GSE1: variants seen among roughly 807,000 people sequenced by gnomAD.
The protein encoded by GSE1 is genetic suppressor element 1.
GSE1 carries 32 observed loss-of-function variants against 112.6 expected under a neutral mutation model. That is an observed-to-expected ratio of 0.28 (90% CI 0.21 to 0.38). GSE1 has a LOEUF of 0.38. Ranked by LOEUF, GSE1 falls within the 10% of genes least tolerant of loss-of-function variation. The pLI is 1.00. For missense variants in GSE1, 2,348 were observed against 1,699.2 expected, an observed-to-expected ratio of 1.38 and a Z score of -6.71; for synonymous variants, 1,115 against 735.6, an observed-to-expected ratio of 1.52 and a Z score of -8.35.
chr16:85,353,672 A>C (rs2046895782), intron 1 of GSE1, among the ~76,000 whole-genome samples: 1 of 152,224 alleles, frequency 6.6e-6, no homozygotes, highest in Admixed American at 6.5e-5. Flanking sequence ...GTCTCTTAAT[A>C]AAAACATGTT....
At chr16:85,169,554 C>G (rs1044807642) in exon 1 of GSE1, 25 of 974,590 alleles carry the variant, frequency 2.6e-5, no homozygotes, top group Non-Finnish European at 2.6e-5. Context: ...CGGTCTCCCG[C>G]AAGCAGCGGC....
chr16:85,534,820 G>A (rs907192947), intron 2 of GSE1, among the ~76,000 whole-genome samples: 8 of 152,350 alleles, frequency 5.3e-5, no homozygotes, highest in East Asian at 3.9e-4. Flanking sequence ...GCGTTGCTGC[G>A]TGTATTGATA....
chr16:85,204,259 A>G (rs1386066844), intron 1 of GSE1, among the ~76,000 whole-genome samples: 1 of 152,174 alleles, frequency 6.6e-6, no homozygotes, highest in South Asian at 2.1e-4. Flanking sequence ...ACTTTGCAAA[A>G]TGTCTTCAAG....
chr16:85,346,102 G>A lies in GSE1; in HGVS notation c.2284-11361G>A, dbSNP rs151252795. Among the ~76,000 whole-genome samples, 447 of 151,538 alleles carry A rather than the reference G, an allele frequency of 2.9e-3. 2 individuals carry two copies. The highest frequency in any genetic ancestry group is 0.01 in the African/African-American group (422 of 41,224). ...TGGATGCATAGATGGAGGGGCGGGCGGGTGGATGATGGATGGATGGATGAA... is the reference window on the plus strand; with the variant it reads ...TGGATGCATAGATGGAGGGGCGGGCAGGTGGATGATGGATGGATGGATGAA... On this transcript the variant is annotated intron_variant, in intron 1 of 2. Transcript: ENST00000637419.
chr16:85,272,252 G>A (rs554870067), intron 1 of GSE1, among the ~76,000 whole-genome samples: 5 of 152,348 alleles, frequency 3.3e-5, no homozygotes, highest in South Asian at 4.1e-4. Context: ...GTCTTTGGCC[G>A]TGCTCTGCAA....
chr16:85,561,526 C>A (rs1312482358), intron 1 of GSE1, among the ~76,000 whole-genome samples: 1 of 152,188 alleles, frequency 6.6e-6, no homozygotes, highest in African/African-American at 2.4e-5. Context: ...CCTGGCCTTC[C>A]CTCAGGATCA....
intron 2 of GSE1, among the ~76,000 whole-genome samples, chr16:85,540,063 C>T (rs1003465851): frequency 1.3e-5 from 2 of 152,238 alleles, no homozygotes; most frequent in Non-Finnish European, 2.9e-5. Flanking sequence ...TCCAAAGTCA[C>T]TGCAGGTCTG....
intron 2 of GSE1, among the ~76,000 whole-genome samples, chr16:85,501,516 T>C (rs7498533): frequency 0.017 from 2,492 of 150,742 alleles, 79 homozygotes; most frequent in African/African-American, 0.057. Flanking sequence ...CTCAGCCTCC[T>C]AAATAGCTGA....
chr16:85,461,366 C>G (rs2049962483), intron 2 of GSE1, among the ~76,000 whole-genome samples: 1 of 152,196 alleles, frequency 6.6e-6, no homozygotes, highest in Non-Finnish European at 1.5e-5. Flanking sequence ...CCCCCACTCC[C>G]CCTTTGAGAG....
At chr16:85,236,484 T>A (rs1209548469) in intron 1 of GSE1, among the ~76,000 whole-genome samples, 3 of 152,196 alleles carry the variant, frequency 2.0e-5, no homozygotes, top group Admixed American at 2.0e-4. Context: ...GCACATCATG[T>A]GTGACTCCCG....
At chr16:85,414,375 A>G (rs1193387548) in intron 2 of GSE1, among the ~76,000 whole-genome samples, 1 of 152,208 alleles carries the variant, frequency 6.6e-6, no homozygotes, top group Non-Finnish European at 1.5e-5. Context: ...ATTTTATATC[A>G]TGACGCAGGC....
At chr16:85,501,361 A>T (rs144656145) in intron 2 of GSE1, among the ~76,000 whole-genome samples, 20 of 146,298 alleles carry the variant, frequency 1.4e-4, no homozygotes, top group African/African-American at 5.1e-4. Flanking sequence ...AAGGTCACAT[A>T]CACGGTTCTG....
chr16:85,339,276 C>T (rs573871389), intron 1 of GSE1, among the ~76,000 whole-genome samples: 4 of 152,172 alleles, frequency 2.6e-5, no homozygotes, highest in East Asian at 1.9e-4. Context: ...CTGGCTGACC[C>T]GGGATTTCCA....
chr16:85,177,828 C>T (rs982073548), intron 1 of GSE1, among the ~76,000 whole-genome samples: 1 of 152,164 alleles, frequency 6.6e-6, no homozygotes, highest in Non-Finnish European at 1.5e-5. Context: ...AAGAATCTCA[C>T]AGACCATCAC....
rs920136501 is a variant in GSE1 at position 85,661,046 on chromosome 16, C to T, written c.1641-100C>T. The stretch of plus-strand genomic sequence containing the variant: ...TTGGCACTGGCTCTCTAAGGGGCTG[C>T]GCCATCTGTGTCATCTTAGGAGCGG... On this transcript the variant is annotated intron_variant, in intron 8 of 15. Coordinates refer to ENST00000253458, the MANE Select transcript of GSE1 (RefSeq NM_014615.5). 4.3e-5 allele frequency: 49 copies of T among 1,150,128 alleles called. No individual in the cohort carries two copies. In the Admixed American group the frequency reaches 4.3e-4, roughly 10 times the overall value. 71.2% of individuals were successfully genotyped at this position (1,150,128 alleles called of 1,614,324 possible).
intron 1 of GSE1, among the ~76,000 whole-genome samples, chr16:85,589,699 TTGTG>T (rs150693269): frequency 2.6e-5 from 4 of 151,980 alleles, no homozygotes; most frequent in South Asian, 2.1e-4. Flanking sequence ...ACGTGAGATA[TTGTG>T]TGTGTGTGAA....
chr16:85,233,871 G>A (rs1043839987), intron 1 of GSE1, among the ~76,000 whole-genome samples: 1 of 152,048 alleles, frequency 6.6e-6, no homozygotes, highest in African/African-American at 2.4e-5. Context: ...CTTTGGAGCC[G>A]ACACAGGTTT....
At chr16:85,623,894 T>C (rs2048897443) in intron 1 of GSE1, among the ~76,000 whole-genome samples, 1 of 152,210 alleles carries the variant, frequency 6.6e-6, no homozygotes. Flanking sequence ...CTGTACGGCC[T>C]GGTCCCTGTT....
intron 2 of GSE1, among the ~76,000 whole-genome samples, chr16:85,638,520 T>C (rs1451701178): frequency 1.3e-5 from 2 of 152,222 alleles, no homozygotes; most frequent in East Asian, 3.9e-4. Flanking sequence ...TTTGCCTCTC[T>C]GAGCTTCCAC....
Sources: gnomAD v4.1 joint callset for allele counts (sites outside exome capture counted in the v4.1 genomes callset) on GRCh38, gnomAD v4.1.1 for gene constraint, MANE v1.5 for transcripts, NCBI Gene and HGNC (gene_info 2026-07-23, HGNC 2026-07-21) for gene names.